The following SLC5A8 variants were observed in gnomAD, a reference collection of about 807,000 sequenced individuals.
SLC5A8 encodes the protein solute carrier family 5 member 8.
In SLC5A8, 55 loss-of-function variants were observed where a neutral mutation model predicts 71.9. That is an observed-to-expected ratio of 0.77 (90% CI 0.62 to 0.96). The LOEUF is 0.96. Ranked by LOEUF, SLC5A8 falls within the 40% of genes least tolerant of loss-of-function variation. The pLI is 0.00. For missense variants in SLC5A8, 701 were observed against 745.3 expected (o/e 0.94, Z 0.69); for synonymous variants, 307 against 276.1 (o/e 1.11, Z -1.11).
Position 101,191,179 on chromosome 12 carries a change from G to A in SLC5A8, c.693-571C>T, listed in dbSNP as rs548961626. 8.5e-5 allele frequency among the ~76,000 whole-genome samples: 13 copies of A among 152,266 alleles called. No homozygotes were observed. The South Asian group carries it at 1.2e-3, about 15-fold the overall frequency. ...ATCATGCTTTATTAAAATGCTGTGCGTGCAAGCTAAATACTAATAGTTTAA... is the reference window on the plus strand; with the variant it reads ...ATCATGCTTTATTAAAATGCTGTGCATGCAAGCTAAATACTAATAGTTTAA... On this transcript the variant is annotated intron_variant, in intron 5 of 14. Coordinates refer to ENST00000536262, the MANE Select transcript of SLC5A8 (RefSeq NM_145913.5).
chr12:101,160,077 G>A (rs1352140638), intron 13 of SLC5A8, among the ~76,000 whole-genome samples: 1 of 152,136 alleles, frequency 6.6e-6, no homozygotes, highest in African/African-American at 2.4e-5. Context: ...AGCTACTCGG[G>A]AAGCTGAGGC....
rs201286642 is a variant in SLC5A8 at position 101,157,304 on chromosome 12, C to T, written c.1808G>A (p.Gly603Asp). ...NHIELNSDQS[G>D]KSNGTRL is the part of the protein sequence containing the mutation. ...TCACAAACGAGTCCCATTGCTCTTG[C>T]CACTCTGATCTGAGTTCAATTCAAT... is the stretch of plus-strand genomic sequence containing the variant. The change falls in exon 15 of 15, where the codon GGC (glycine) becomes GAC (aspartate). Residue 603 changes from glycine to aspartate, a missense_variant. Coordinates refer to ENST00000536262, the MANE Select transcript of SLC5A8 (RefSeq NM_145913.5). The T allele has an allele frequency of 6.3e-5, 101 of 1,613,148 alleles. No homozygotes were observed. Among genetic ancestry groups the T allele is most frequent in the Non-Finnish European group, 8.3e-5 (98 of 1,179,658 alleles).
At chr12:101,202,271 AC>A in intron 2 of SLC5A8, 56 bp from the exon 3 acceptor site, 1 of 1,401,338 alleles carries the variant, frequency 7.1e-7, no homozygotes, top group Non-Finnish European at 9.6e-7. Flanking sequence ...TTCATGAATT[AC>A]GTCTGAGTTA....
At chr12:101,168,319 T>C (rs1180805538) in intron 10 of SLC5A8, 137 bp from the exon 11 acceptor site, 8 of 793,738 alleles carry the variant, frequency 1.0e-5, no homozygotes, top group South Asian at 2.0e-5. Flanking sequence ...GATAGCCTTA[T>C]CACTGGAAAA....
At chr12:101,200,009 C>CAAAAAAAA (rs1182463470) in intron 3 of SLC5A8, among the ~76,000 whole-genome samples, 3 of 9,638 alleles carry the variant, frequency 3.1e-4, no homozygotes, top group African/African-American at 7.1e-4. Flanking sequence ...GTACTACCAG[C>CAAAAAAAA]AAAAAAAAAA....
At chr12:101,209,476 C>T in intron 1 of SLC5A8, 22 bp downstream of exon 1, 2 of 927,704 alleles carry the variant, frequency 2.2e-6, no homozygotes, top group South Asian at 1.5e-5. Context: ...CCTGCATGGT[C>T]CCAGCCCACC....
At chr12:101,175,652 A>T (rs1442741337) in intron 10 of SLC5A8, among the ~76,000 whole-genome samples, 1 of 152,140 alleles carries the variant, frequency 6.6e-6, no homozygotes, top group Non-Finnish European at 1.5e-5. Flanking sequence ...TTCAGAAAGA[A>T]ATGACTCCTT....
chr12:101,168,337 T>G (rs892804283), intron 10 of SLC5A8, among the ~76,000 whole-genome samples, 155 bp from the exon 11 acceptor site: 1 of 152,182 alleles, frequency 6.6e-6, no homozygotes, highest in Non-Finnish European at 1.5e-5. Flanking sequence ...AAAGAAGTCA[T>G]TAGAACTTAC....
At position 101,177,444 on chromosome 12, in the gene SLC5A8, TACACAC is replaced by T. The variant is rs60836789; in HGVS notation, c.1233+2579_1233+2584del. Among the ~76,000 whole-genome samples, 64 of 94,494 alleles carry T rather than the reference TACACAC, an allele frequency of 6.8e-4. No homozygotes were observed. The South Asian group carries it at 8.5e-3, about 13-fold the overall frequency. The allele number at this position is 94,494 out of a possible 152,430, so 62.0% of individuals were successfully genotyped here. On this transcript the variant is annotated intron_variant, in intron 10 of 14. Transcript: ENST00000536262. ...TGCTATCAAAACCAAAGGCAGTATA[TACACAC>T]ACACACACACACACACACACACACA...
In SLC5A8 at chr12:101,179,556, C is replaced by T. The variant is rs116430335; in HGVS notation, c.1233+473G>A. On this transcript the variant is annotated intron_variant, in intron 10 of 14. Coordinates refer to ENST00000536262, the MANE Select transcript of SLC5A8 (RefSeq NM_145913.5). ...AAAAAGGTTACATTCTATGTAATTCCATGTATGTAGCATTCTTGACCTGGT... is the reference window on the plus strand; with the variant it reads ...AAAAAGGTTACATTCTATGTAATTCTATGTATGTAGCATTCTTGACCTGGT... 3.3e-3 allele frequency among the ~76,000 whole-genome samples: 507 copies of T among 152,236 alleles called. 3 individuals are homozygous for T. Among genetic ancestry groups the T allele is most frequent in the African/African-American group, 0.012 (483 of 41,546 alleles).
At chr12:101,196,263 A>G (rs905430269) in intron 3 of SLC5A8, among the ~76,000 whole-genome samples, 6 of 152,218 alleles carry the variant, frequency 3.9e-5, no homozygotes, top group Non-Finnish European at 7.3e-5. Context: ...TTACTAAGAT[A>G]TGTGCTACCA....
chr12:101,158,586 CTCTCTCTCTCTCTATA>C (rs1249722265), intron 13 of SLC5A8, among the ~76,000 whole-genome samples: 101 of 42,442 alleles, frequency 2.4e-3, no homozygotes, highest in Middle Eastern at 0.011. Flanking sequence ...CTCTCTCTCT[CTCTCTCTCTCTCTATA>C]TATATATATA....
chr12:101,176,832 AGAG>A (rs2051884052), intron 10 of SLC5A8, among the ~76,000 whole-genome samples: 1 of 152,156 alleles, frequency 6.6e-6, no homozygotes, highest in African/African-American at 2.4e-5. Context: ...ACATTAGAAA[AGAG>A]GAGAAGATTC....
intron 12 of SLC5A8, among the ~76,000 whole-genome samples, chr12:101,163,960 A>T (rs935094742): frequency 3.3e-5 from 5 of 152,232 alleles, no homozygotes; most frequent in African/African-American, 1.2e-4. Flanking sequence ...ACAGAAATCA[A>T]TTCCAAAGTG....
intron 12 of SLC5A8, among the ~76,000 whole-genome samples, chr12:101,162,464 T>A (rs1041774331): frequency 6.6e-6 from 1 of 152,178 alleles, no homozygotes; most frequent in African/African-American, 2.4e-5. Context: ...GCAGCACTAT[T>A]CCCAACAGCA....
At chr12:101,163,700 A>G (rs1440920471) in intron 12 of SLC5A8, among the ~76,000 whole-genome samples, 2 of 152,216 alleles carry the variant, frequency 1.3e-5, no homozygotes, top group African/African-American at 4.8e-5. Context: ...TGAGGTGACA[A>G]GAACCCAGAA....
rs1306965941 is a variant in SLC5A8 at position 101,209,794 on chromosome 12, C to G, written c.55G>C (p.Ala19Pro). Reference protein sequence around the residue: ...TFVVWDYVVFAGMLVISAAIG... With the variant: ...TFVVWDYVVFPGMLVISAAIG... ...GCGGCCGAGATGACCAGCATGCCCGCGAACACCACGTAGTCCCACACCACG... is the reference window on the plus strand; with the variant it reads ...GCGGCCGAGATGACCAGCATGCCCGGGAACACCACGTAGTCCCACACCACG... Residue 19 changes from alanine to proline, a missense_variant, in exon 1 of 15, where the codon GCG (alanine) becomes CCG (proline). Coordinates refer to ENST00000536262, the MANE Select transcript of SLC5A8 (RefSeq NM_145913.5). The G allele has an allele frequency of 1.2e-6, 2 of 1,604,622 alleles. No homozygotes were observed. Among genetic ancestry groups the G allele is most frequent in the South Asian group, 2.2e-5 (2 of 89,636 alleles).
chr12:101,166,866 T>C (rs1194274700), intron 11 of SLC5A8, among the ~76,000 whole-genome samples, 167 bp from the exon 12 acceptor site: 1 of 151,946 alleles, frequency 6.6e-6, no homozygotes, highest in African/African-American at 2.4e-5. Flanking sequence ...TAAAAATCTA[T>C]TGAATAAATG....
intron 10 of SLC5A8, among the ~76,000 whole-genome samples, chr12:101,174,954 C>G (rs2051865505): frequency 6.6e-6 from 1 of 151,772 alleles, no homozygotes; most frequent in Non-Finnish European, 1.5e-5. Context: ...AGATCTCAAA[C>G]TAAATATAAA....
Sources: gnomAD v4.1 joint callset for allele counts (sites outside exome capture counted in the v4.1 genomes callset) on GRCh38, gnomAD v4.1.1 for gene constraint, MANE v1.5 for transcripts, NCBI Gene and HGNC (gene_info 2026-07-23, HGNC 2026-07-21) for gene names.